The following HIBCH variants were observed in gnomAD, a reference collection of about 807,000 sequenced individuals.
HIBCH encodes 3-hydroxyisobutyryl-CoA hydrolase, mitochondrial.
HIBCH carries 50 observed loss-of-function variants against 58.2 expected under a neutral mutation model. That is an observed-to-expected ratio of 0.86 (90% CI 0.68 to 1.09). The LOEUF (loss-of-function observed/expected upper bound fraction) is 1.09, where lower values mean the gene tolerates loss of function less well. Ranked by LOEUF, HIBCH falls within the 50% of genes least tolerant of loss-of-function variation. The pLI is 0.00. For missense variants in HIBCH, 450 were observed against 449.7 expected (o/e 1.00, Z -0.01); for synonymous variants, 151 against 146.9 (o/e 1.03, Z -0.20).
chr2:190,226,655 A>C lies in HIBCH; in HGVS notation c.892-13580T>G, dbSNP rs545487980. Among the ~76,000 whole-genome samples the C allele has an allele frequency of 8.4e-4, 128 of 151,750 alleles. 1 individual carries two copies. The South Asian group carries it at 0.026, about 31-fold the overall frequency. Reference sequence around the variant, plus strand: ...GTCAAATTGTCCCTGTTTGCAGATGACATGATTGTATATTTAGAAAACCCC... The same window carrying C: ...GTCAAATTGTCCCTGTTTGCAGATGCCATGATTGTATATTTAGAAAACCCC... On this transcript the variant is annotated intron_variant, in intron 11 of 13. Coordinates refer to ENST00000359678, the MANE Select transcript of HIBCH (RefSeq NM_014362.4).
At chr2:190,259,903 A>G (rs772697095) in intron 7 of HIBCH, among the ~76,000 whole-genome samples, 12 of 152,196 alleles carry the variant, frequency 7.9e-5, no homozygotes, top group Non-Finnish European at 1.5e-4. Flanking sequence ...TGATGAGAGC[A>G]GGCATCATTG....
intron 2 of HIBCH, among the ~76,000 whole-genome samples, chr2:190,302,572 A>G (rs115799642): frequency 7.9e-4 from 120 of 152,316 alleles, no homozygotes; most frequent in Middle Eastern, 6.8e-3. Context: ...ACAGTCAGGT[A>G]GTTGCTTGAA....
At chr2:190,201,895 A>T (rs1690254662), downstream of HIBCH, 1 of 167,060 alleles carries the variant, frequency 6.0e-6, no homozygotes, top group South Asian at 2.1e-4. Context: ...ACAAAAGCCT[A>T]GGTGTGGTTG....
intron 1 of HIBCH, among the ~76,000 whole-genome samples, chr2:190,318,861 A>C (rs1219201333): frequency 6.6e-6 from 1 of 152,230 alleles, no homozygotes; most frequent in Non-Finnish European, 1.5e-5. Context: ...ACAAAAATTT[A>C]CTGAGAATTA....
intron 3 of HIBCH, among the ~76,000 whole-genome samples, chr2:190,295,976 G>A (rs1453078355): frequency 6.6e-6 from 1 of 152,132 alleles, no homozygotes; most frequent in East Asian, 1.9e-4. Context: ...TTGAGGTATG[G>A]AGAGATTAAC....
chr2:190,289,604 G>A (rs1308325939), intron 5 of HIBCH, among the ~76,000 whole-genome samples: 2 of 152,038 alleles, frequency 1.3e-5, no homozygotes, highest in Admixed American at 1.3e-4. Context: ...TTCTTTTGGA[G>A]AAATTTTAAA....
Position 190,294,474 on chromosome 2 carries a change from C to T in HIBCH, c.304+72G>A, listed in dbSNP as rs574613543. The T allele has an allele frequency of 1.5e-4, 143 of 980,494 alleles. No homozygotes were observed. In the African/African-American group the frequency reaches 1.9e-3, roughly 13 times the overall value. 60.7% of individuals were successfully genotyped at this position (980,494 alleles called of 1,614,324 possible). A position where few individuals can be genotyped will look rare whatever the true frequency, so the allele number is the denominator to read the frequency against. On this transcript the variant is annotated intron_variant, in intron 4 of 13. Transcript: ENST00000359678. Reference sequence around the variant, plus strand: ...AAGTAAAGCAAATTATAAATTATTACAAAAATTTGACAATACTTGATCAGT... The same window carrying T: ...AAGTAAAGCAAATTATAAATTATTATAAAAATTTGACAATACTTGATCAGT...
rs1397085253 is a variant in HIBCH, at chr2:190,216,019, AT to A, written c.892-2945del. ...GAAACAGGGGATGACAGAAAGAGAA[AT>A]AAAAGAAGAAAATGAGCAAGAGAGA... On this transcript the variant is annotated intron_variant, in intron 11 of 13. Coordinates refer to ENST00000359678, the MANE Select transcript of HIBCH (RefSeq NM_014362.4). The surrounding 1 kb of genome is among the most constrained non-coding windows in gnomAD (Gnocchi z 4.2). 1 of 152,600 alleles carries A rather than the reference AT, an allele frequency of 6.6e-6. No homozygotes were observed. The highest frequency in any genetic ancestry group is 2.4e-5 in the African/African-American group (1 of 41,464). 9.5% of individuals were successfully genotyped at this position (152,600 alleles called of 1,614,324 possible).
At chr2:190,255,847 G>T (rs1281729986) in intron 7 of HIBCH, among the ~76,000 whole-genome samples, 1 of 151,836 alleles carries the variant, frequency 6.6e-6, no homozygotes, top group Non-Finnish European at 1.5e-5. Context: ...GAGAGAGAGA[G>T]AGTGTGTGTG....
chr2:190,295,704 A>G (rs1241251121), intron 3 of HIBCH, among the ~76,000 whole-genome samples: 3 of 152,210 alleles, frequency 2.0e-5, no homozygotes, highest in Non-Finnish European at 4.4e-5. Context: ...GAACATTTCT[A>G]ATTTCTTCCA....
chr2:190,195,508 T>C lies in HIBCH; in HGVS notation c.*18-5511A>G, dbSNP rs895810107. Among the ~76,000 whole-genome samples the C allele has an allele frequency of 5.9e-5, 9 of 152,238 alleles. No individual in the cohort carries two copies. In the East Asian group the frequency reaches 1.3e-3, roughly 23 times the overall value. On this transcript the variant is annotated intron_variant, in intron 1 of 1. Coordinates refer to the HIBCH transcript ENST00000399855. The stretch of plus-strand genomic sequence containing the variant: ...TTAAATTTACAATTCCTGAATGACA[T>C]GATGTTGAACACTTTTCCATACGTT...
At chr2:190,232,187 T>TC (rs1460390573) in intron 11 of HIBCH, among the ~76,000 whole-genome samples, 2 of 152,074 alleles carry the variant, frequency 1.3e-5, no homozygotes, top group Non-Finnish European at 2.9e-5. Context: ...AGAGCAAGAC[T>TC]CCATCTCAAA....
intron 1 of HIBCH, among the ~76,000 whole-genome samples, chr2:190,318,328 G>A (rs919533336): frequency 1.3e-5 from 2 of 152,050 alleles, no homozygotes; most frequent in African/African-American, 4.8e-5. Context: ...TAGAAAAGTA[G>A]GCCAGTACCG....
chr2:190,241,623 G>C (rs558622286), intron 11 of HIBCH, among the ~76,000 whole-genome samples: 1 of 152,220 alleles, frequency 6.6e-6, no homozygotes, highest in Non-Finnish European at 1.5e-5. Context: ...TCCATATTTA[G>C]TGCTTCCTTC....
chr2:190,245,246 C>T (rs2105933810), intron 10 of HIBCH: 2 of 368,342 alleles, frequency 5.4e-6, no homozygotes, highest in East Asian at 6.1e-5. Context: ...AAAATCGATG[C>T]TTCTAAATTG....
Position 190,304,574 on chromosome 2 carries a change from G to A in HIBCH, c.78+6180C>T, listed in dbSNP as rs954050937. Among the ~76,000 whole-genome samples, 1 of 152,100 alleles carries A rather than the reference G, an allele frequency of 6.6e-6. No individual in the cohort carries two copies. Among genetic ancestry groups the A allele is most frequent in the Non-Finnish European group, 1.5e-5 (1 of 68,000 alleles). On this transcript the variant is annotated intron_variant, in intron 2 of 13. Coordinates refer to ENST00000359678, the MANE Select transcript of HIBCH (RefSeq NM_014362.4). This position sits in a 1 kb window ranked among gnomAD's most constrained non-coding sequence, Gnocchi z 4.1. ...ACATCCACACTGGGGGTTAAATTTC[G>A]AAATGAGTTTTGGAGCGGGCAAATA...
At chr2:190,297,877 G>C (rs1431064759) in intron 2 of HIBCH, among the ~76,000 whole-genome samples, 1 of 151,954 alleles carries the variant, frequency 6.6e-6, no homozygotes, top group East Asian at 1.9e-4. Context: ...CGTGCATTAG[G>C]TATTTGTTCT....
At chr2:190,298,288 G>A (rs1398176405) in intron 2 of HIBCH, among the ~76,000 whole-genome samples, 1 of 152,144 alleles carries the variant, frequency 6.6e-6, no homozygotes, top group Non-Finnish European at 1.5e-5. Flanking sequence ...GGATTGTGGG[G>A]TCAAACAGTA....
intron 6 of HIBCH, among the ~76,000 whole-genome samples, chr2:190,263,890 T>C (rs1290272503): frequency 6.6e-6 from 1 of 152,136 alleles, no homozygotes; most frequent in Non-Finnish European, 1.5e-5. Context: ...TCTACACTAT[T>C]ACGACCCCAC....
Sources: gnomAD v4.1 joint callset for allele counts (sites outside exome capture counted in the v4.1 genomes callset) on GRCh38, gnomAD v4.1.1 for gene constraint, Gnocchi (gnomAD v3.1) non-coding constraint, MANE v1.5 for transcripts, NCBI Gene and HGNC (gene_info 2026-07-23, HGNC 2026-07-21) for gene names.